The following SPATA16 variants were observed in gnomAD, a reference collection of about 807,000 sequenced individuals.
SPATA16 encodes spermatogenesis-associated protein 16.
SPATA16 carries 36 observed loss-of-function variants against 63.3 expected under a neutral mutation model. The observed-to-expected ratio is 0.57, with a 90% CI of 0.44 to 0.75. SPATA16 has a LOEUF of 0.75. Among genes scored for constraint, SPATA16 ranks in the 30% least tolerant of loss-of-function variants. SPATA16 has a pLI of 0.00. For missense variants in SPATA16, 646 were observed against 679.3 expected, an observed-to-expected ratio of 0.95 and a Z score of 0.54; for synonymous variants, 203 against 216.7, an observed-to-expected ratio of 0.94 and a Z score of 0.56.
chr3:173,049,164 C>T lies in SPATA16; in HGVS notation c.613-70G>A. The T allele has an allele frequency of 2.0e-6, 3 of 1,495,346 alleles. No individual in the cohort carries two copies. In the Admixed American group the frequency reaches 6.1e-5, roughly 30 times the overall value. The allele number at this position is 1,495,346 out of a possible 1,614,324, so 92.6% of individuals were successfully genotyped here. ...TAATTTATCTTTTAAATAAGCAAAA[C>T]ATGTGTATGTTTTATTTATATATGT... On this transcript the variant is annotated intron_variant, in intron 2 of 10. Coordinates refer to ENST00000351008, the MANE Select transcript of SPATA16 (RefSeq NM_031955.6).
chr3:172,943,739 TAAAAAC>T (rs1239789914), intron 6 of SPATA16, among the ~76,000 whole-genome samples: 8 of 152,082 alleles, frequency 5.3e-5, no homozygotes. Context: ...GACTCCATCT[TAAAAAC>T]AAAAACAGAA....
chr3:172,947,284 T>C (rs1733313702), intron 6 of SPATA16, among the ~76,000 whole-genome samples: 1 of 152,120 alleles, frequency 6.6e-6, no homozygotes, highest in Non-Finnish European at 1.5e-5. Flanking sequence ...TAAACACTTC[T>C]TTAATAACTC....
intron 6 of SPATA16, among the ~76,000 whole-genome samples, chr3:172,938,103 C>A (rs1281721088): frequency 6.6e-6 from 1 of 152,108 alleles, no homozygotes; most frequent in African/African-American, 2.4e-5. Flanking sequence ...GCCCATTACC[C>A]AGGTTATGGT....
At position 173,117,744 on chromosome 3, in the gene SPATA16, A is replaced by G. The variant is rs1414171166; in HGVS notation, c.-13T>C. On this transcript the variant is annotated 5_prime_UTR_variant, in exon 2 of 11. Transcript: ENST00000351008. ...TTCCTGCATCCATCGATCCTGCCCA[A>G]AACTCCTGCAGGGGGGAGAAAAAGG... 12 of 1,613,972 alleles carry G rather than the reference A, an allele frequency of 7.4e-6. No homozygotes were observed. Among genetic ancestry groups the G allele is most frequent in the Middle Eastern group, 1.6e-4 (1 of 6,084 alleles).
chr3:173,056,780 A>G (rs1408347718), intron 2 of SPATA16, among the ~76,000 whole-genome samples: 1 of 150,846 alleles, frequency 6.6e-6, no homozygotes, highest in East Asian at 1.9e-4. Flanking sequence ...TTTTCTGTAA[A>G]TACATAGATC....
chr3:172,952,966 C>CAG (rs1733477840), intron 6 of SPATA16, among the ~76,000 whole-genome samples: 1 of 136,194 alleles, frequency 7.3e-6, no homozygotes, highest in East Asian at 2.1e-4. Flanking sequence ...AAAAAGAAAA[C>CAG]AGTTTGGTAA....
intron 4 of SPATA16, among the ~76,000 whole-genome samples, chr3:172,983,009 CG>C (rs1734357238): frequency 6.6e-6 from 1 of 152,182 alleles, no homozygotes; most frequent in Non-Finnish European, 1.5e-5. Context: ...AAAGTCATTC[CG>C]TTCATCACCT....
chr3:173,009,681 C>T (rs914802230), intron 4 of SPATA16, among the ~76,000 whole-genome samples: 3 of 152,240 alleles, frequency 2.0e-5, no homozygotes, highest in South Asian at 2.1e-4. Flanking sequence ...CCAGGCAAGT[C>T]CCACCGGCTT....
intron 3 of SPATA16, among the ~76,000 whole-genome samples, chr3:173,028,903 A>G (rs1442888136): frequency 6.6e-6 from 1 of 152,098 alleles, no homozygotes; most frequent in Non-Finnish European, 1.5e-5. Context: ...ATAGTGTGTG[A>G]AGAATATGGA....
At chr3:173,119,797 T>C (rs1577184885) in intron 1 of SPATA16, among the ~76,000 whole-genome samples, 1 of 152,144 alleles carries the variant, frequency 6.6e-6, no homozygotes, top group East Asian at 1.9e-4. Flanking sequence ...CCAGGCGCGA[T>C]GGCTCACGCC....
intron 6 of SPATA16, among the ~76,000 whole-genome samples, chr3:172,928,056 C>T (rs922352664): frequency 3.4e-4 from 51 of 151,952 alleles, no homozygotes; most frequent in African/African-American, 1.1e-3. Context: ...ATTACAGGCA[C>T]GCGCCACCAC....
chr3:172,965,161 T>C (rs184693986), intron 5 of SPATA16, among the ~76,000 whole-genome samples: 1 of 152,350 alleles, frequency 6.6e-6, no homozygotes, highest in Admixed American at 6.5e-5. Context: ...CTCCATTTTA[T>C]AGTTGAGGAA....
At chr3:172,960,239 T>C (rs1169469474) in intron 5 of SPATA16, among the ~76,000 whole-genome samples, 2 of 152,218 alleles carry the variant, frequency 1.3e-5, no homozygotes, top group Non-Finnish European at 2.9e-5. Flanking sequence ...TAATTTGACA[T>C]AAATATTCTG....
At chr3:173,019,268 T>C (rs1735262320) in intron 4 of SPATA16, among the ~76,000 whole-genome samples, 1 of 152,160 alleles carries the variant, frequency 6.6e-6, no homozygotes, top group Non-Finnish European at 1.5e-5. Context: ...ACCTCATGGC[T>C]GGAAAGTTTG....
At chr3:172,916,231 A>ATTTTTG in intron 9 of SPATA16, 86 bp downstream of exon 9, 1 of 1,101,246 alleles carries the variant, frequency 9.1e-7, no homozygotes, top group Non-Finnish European at 1.3e-6. Context: ...TTACCACAGG[A>ATTTTTG]TTTTTTTTTT....
chr3:173,128,495 C>T (rs1738286662), intron 1 of SPATA16, among the ~76,000 whole-genome samples: 1 of 151,430 alleles, frequency 6.6e-6, no homozygotes, highest in Non-Finnish European at 1.5e-5. Flanking sequence ...TTCCAGGCCC[C>T]ACAGATTTTG....
intron 2 of SPATA16, among the ~76,000 whole-genome samples, chr3:173,052,065 T>C (rs1391457730): frequency 6.6e-6 from 1 of 151,780 alleles, no homozygotes; most frequent in Non-Finnish European, 1.5e-5. Flanking sequence ...CTCGCCTAGG[T>C]CTCCCAAAGC....
intron 2 of SPATA16, among the ~76,000 whole-genome samples, chr3:173,094,683 T>G (rs1180674042): frequency 6.6e-6 from 1 of 151,472 alleles, no homozygotes; most frequent in Non-Finnish European, 1.5e-5. Flanking sequence ...AGTTGTTTTT[T>G]TTTTTTTTTT....
chr3:173,067,715 A>AGG (rs71162326), intron 2 of SPATA16, among the ~76,000 whole-genome samples: 1 of 53,416 alleles, frequency 1.9e-5, no homozygotes. Context: ...GAATAATAAC[A>AGG]GAACTTTCCA....
Sources: gnomAD v4.1 joint callset for allele counts (sites outside exome capture counted in the v4.1 genomes callset) on GRCh38, gnomAD v4.1.1 for gene constraint, MANE v1.5 for transcripts, NCBI Gene and HGNC (gene_info 2026-07-23, HGNC 2026-07-21) for gene names.